PCDH9: variants seen among roughly 807,000 people sequenced by gnomAD.
PCDH9 encodes protocadherin 9.
A neutral mutation model predicts 70.6 loss-of-function variants in PCDH9; 24 were observed. The observed-to-expected ratio is 0.34, with a 90% CI of 0.25 to 0.48. The LOEUF (loss-of-function observed/expected upper bound fraction) is 0.48. PCDH9 is among the 20% of genes least tolerant of loss of function. The pLI is 0.99. For missense variants in PCDH9, 1,281 were observed against 1,503.6 expected, an observed-to-expected ratio of 0.85 and a Z score of 2.45; for synonymous variants, 562 against 558.5, an observed-to-expected ratio of 1.01 and a Z score of -0.09.
At chr13:66,918,843 G>A (rs116729033) in intron 2 of PCDH9, among the ~76,000 whole-genome samples, 1,648 of 151,196 alleles carry the variant, frequency 0.011, 39 homozygotes, top group African/African-American at 0.038. Flanking sequence ...TCTTACTTGT[G>A]CTTTCAACCT....
chr13:67,206,958 C>T (rs2089363292), intron 2 of PCDH9: 1 of 152,100 alleles, frequency 6.6e-6, no homozygotes, highest in Admixed American at 6.6e-5. Context: ...AAATTAACAA[C>T]TAAAATTCAC....
At chr13:66,316,332 G>T (rs746900721) in intron 4 of PCDH9, among the ~76,000 whole-genome samples, 4 of 152,160 alleles carry the variant, frequency 2.6e-5, no homozygotes, top group Non-Finnish European at 5.9e-5. Context: ...ATATTTGGGG[G>T]ACTATTATTC....
At chr13:67,160,777 G>A (rs1180977443) in intron 2 of PCDH9, among the ~76,000 whole-genome samples, 2 of 152,152 alleles carry the variant, frequency 1.3e-5, no homozygotes, top group Admixed American at 6.5e-5. Context: ...AGGAGCCTAA[G>A]AGAACCATTT....
In PCDH9 at chr13:66,881,396, A is replaced by G. The variant is rs537164004; in HGVS notation, c.3138+22108T>C. 3.3e-5 allele frequency among the ~76,000 whole-genome samples: 5 copies of G among 152,246 alleles called. No individual in the cohort carries two copies. The South Asian group carries it at 1.0e-3, about 32-fold the overall frequency. On this transcript the variant is annotated intron_variant, in intron 3 of 4. Coordinates refer to ENST00000377865, the MANE Select transcript of PCDH9 (RefSeq NM_203487.3). ...GCGGCAGTCAAAGACAGAGCTTGTG[A>G]AGGGCAACTCCCACTTTTTAAAACC...
chr13:67,124,656 T>C (rs1452016124), intron 2 of PCDH9, among the ~76,000 whole-genome samples: 2 of 152,182 alleles, frequency 1.3e-5, no homozygotes, highest in Admixed American at 6.5e-5. Context: ...CTAACACCTA[T>C]TAGCATATCA....
chr13:67,188,142 G>T (rs888881826), intron 2 of PCDH9, among the ~76,000 whole-genome samples: 3 of 152,076 alleles, frequency 2.0e-5, no homozygotes, highest in African/African-American at 7.2e-5. Context: ...GCATTCAGGA[G>T]AAATTGGAAA....
intron 3 of PCDH9, among the ~76,000 whole-genome samples, chr13:66,765,566 T>C (rs1475455684): frequency 6.6e-6 from 1 of 152,064 alleles, no homozygotes; most frequent in South Asian, 2.1e-4. Flanking sequence ...ATGTTCTTCA[T>C]GGTTATTCAC....
At chr13:66,411,415 C>T (rs1271054557) in intron 4 of PCDH9, among the ~76,000 whole-genome samples, 1 of 152,136 alleles carries the variant, frequency 6.6e-6, no homozygotes, top group Non-Finnish European at 1.5e-5. Flanking sequence ...GCCTTCTAAG[C>T]AGCTGGGACT....
At chr13:66,883,426 T>C (rs1218282687) in intron 3 of PCDH9, among the ~76,000 whole-genome samples, 2 of 152,190 alleles carry the variant, frequency 1.3e-5, no homozygotes, top group African/African-American at 4.8e-5. Context: ...AGGTATCCAA[T>C]GAATGTAGAA....
At chr13:67,199,083 CAT>C (rs943576344) in intron 2 of PCDH9, among the ~76,000 whole-genome samples, 1 of 151,362 alleles carries the variant, frequency 6.6e-6, no homozygotes, top group Non-Finnish European at 1.5e-5. Flanking sequence ...ATTTAATAAA[CAT>C]AAATTGTAGG....
At chr13:66,683,349 C>A (rs554367106) in intron 3 of PCDH9, among the ~76,000 whole-genome samples, 58 of 152,280 alleles carry the variant, frequency 3.8e-4, no homozygotes, top group Admixed American at 7.8e-4. Context: ...ACATCTAATA[C>A]CACATTGCCT....
At chr13:66,911,321 A>C (rs1040650023) in intron 2 of PCDH9, among the ~76,000 whole-genome samples, 1 of 152,160 alleles carries the variant, frequency 6.6e-6, no homozygotes, top group African/African-American at 2.4e-5. Context: ...CAGGAATAAG[A>C]TCATGTATTT....
intron 3 of PCDH9, chr13:66,858,839 A>G (rs1408568075): frequency 6.6e-6 from 1 of 152,106 alleles, no homozygotes; most frequent in Non-Finnish European, 1.5e-5. Context: ...TTCTATTGAT[A>G]TTTGTTTCAC....
At chr13:66,370,911 A>G (rs1231263655) in intron 4 of PCDH9, among the ~76,000 whole-genome samples, 1 of 152,124 alleles carries the variant, frequency 6.6e-6, no homozygotes, top group Non-Finnish European at 1.5e-5. Context: ...CTTTGAATTT[A>G]AGAATTAAAG....
intron 4 of PCDH9, among the ~76,000 whole-genome samples, chr13:66,610,058 C>G (rs2077273604): frequency 6.6e-6 from 1 of 150,906 alleles, no homozygotes; most frequent in South Asian, 2.1e-4. Context: ...CCCGGGTTCA[C>G]GCCATTCTCC....
At chr13:66,386,740 C>T (rs1367418770) in intron 4 of PCDH9, among the ~76,000 whole-genome samples, 4 of 152,202 alleles carry the variant, frequency 2.6e-5, no homozygotes, top group South Asian at 4.1e-4. Flanking sequence ...TTCAACATCA[C>T]TGAGCATGTG....
At chr13:66,876,764 G>A (rs778318677) in intron 3 of PCDH9, 17 of 152,168 alleles carry the variant, frequency 1.1e-4, no homozygotes, top group East Asian at 5.8e-4. Flanking sequence ...CAGGCAAAAT[G>A]CAACCTTATA....
chr13:66,439,710 A>T (rs1304485740), intron 4 of PCDH9, among the ~76,000 whole-genome samples: 1 of 152,122 alleles, frequency 6.6e-6, no homozygotes, highest in African/African-American at 2.4e-5. Flanking sequence ...TGTTTCATAT[A>T]ATTTATTTAT....
intron 4 of PCDH9, among the ~76,000 whole-genome samples, chr13:66,415,501 T>C (rs1484104715): frequency 1.3e-5 from 2 of 152,176 alleles, no homozygotes; most frequent in Non-Finnish European, 2.9e-5. Flanking sequence ...AGTACTATAA[T>C]GTGGCTAGGT....
Sources: gnomAD v4.1 joint callset for allele counts (sites outside exome capture counted in the v4.1 genomes callset) on GRCh38, gnomAD v4.1.1 for gene constraint, MANE v1.5 for transcripts, NCBI Gene and HGNC (gene_info 2026-07-23, HGNC 2026-07-21) for gene names.